UBE2E1: variants seen among roughly 807,000 people sequenced by gnomAD.
UBE2E1 encodes ubiquitin-conjugating enzyme E2 E1.
UBE2E1 carries 6 observed loss-of-function variants against 21.4 expected under a neutral mutation model. That is an observed-to-expected ratio of 0.28 (90% CI 0.15 to 0.55). UBE2E1 has a LOEUF of 0.55. Ranked by LOEUF, UBE2E1 falls within the 20% of genes least tolerant of loss-of-function variation. The pLI is 0.93. For missense variants in UBE2E1, 142 were observed against 236.5 expected, an observed-to-expected ratio of 0.60 and a Z score of 2.62; for synonymous variants, 87 against 82.7, an observed-to-expected ratio of 1.05 and a Z score of -0.28.
At chr3:23,826,251 G>T (rs1161422493) in intron 3 of UBE2E1, among the ~76,000 whole-genome samples, 1 of 152,214 alleles carries the variant, frequency 6.6e-6, no homozygotes, top group East Asian at 1.9e-4. Flanking sequence ...AAAAATTGGT[G>T]CCTCAACCAG....
intron 2 of UBE2E1, among the ~76,000 whole-genome samples, chr3:23,809,804 G>T (rs1559473130): frequency 6.6e-6 from 1 of 152,156 alleles, no homozygotes; most frequent in Non-Finnish European, 1.5e-5. Flanking sequence ...AAAGATTCAG[G>T]TAAAGAATCA....
At chr3:23,886,085 C>T (rs570707082) in intron 3 of UBE2E1, among the ~76,000 whole-genome samples, 2 of 152,168 alleles carry the variant, frequency 1.3e-5, no homozygotes, top group South Asian at 2.1e-4. Flanking sequence ...CCTGTAGTCT[C>T]GGCTACTCAG....
At position 23,876,726 on chromosome 3, in the gene UBE2E1, G is replaced by A. The variant is rs192844194; in HGVS notation, c.204-10841G>A. ...GCAAAGAGTTGTAGACAAGGGAGGA[G>A]GGAGCTAAATAATATTAATGGTAAT... On this transcript the variant is annotated intron_variant, in intron 3 of 5. Coordinates refer to ENST00000306627, the MANE Select transcript of UBE2E1 (RefSeq NM_003341.5). The surrounding 1 kb of genome is among the most constrained non-coding windows in gnomAD (Gnocchi z 4.3). 2.3e-4 allele frequency among the ~76,000 whole-genome samples: 35 copies of A among 152,196 alleles called. No individual in the cohort carries two copies. In the East Asian group the frequency reaches 6.4e-3, roughly 28 times the overall value.
At chr3:23,868,795 A>G (rs573130801) in intron 3 of UBE2E1, among the ~76,000 whole-genome samples, 1 of 152,182 alleles carries the variant, frequency 6.6e-6, no homozygotes, top group South Asian at 2.1e-4. Context: ...TGCAAGTATA[A>G]CCACTATTAA....
At chr3:23,857,875 A>G (rs1700474682) in intron 3 of UBE2E1, among the ~76,000 whole-genome samples, 1 of 152,170 alleles carries the variant, frequency 6.6e-6, no homozygotes, top group African/African-American at 2.4e-5. Context: ...TTTGAGACAG[A>G]GTCTCGCTCC....
intron 3 of UBE2E1, among the ~76,000 whole-genome samples, chr3:23,881,436 C>T (rs1040242185): frequency 2.6e-4 from 39 of 152,332 alleles, no homozygotes; most frequent in Admixed American, 3.9e-4. Context: ...CTCTTCACTT[C>T]CTCAGTTACA....
chr3:23,880,005 G>A (rs1310282574), intron 3 of UBE2E1, among the ~76,000 whole-genome samples: 1 of 152,324 alleles, frequency 6.6e-6, no homozygotes, highest in East Asian at 1.9e-4. Context: ...TCAGCACTTT[G>A]GGAGGCCCAG....
chr3:23,830,351 A>G (rs1030896949), intron 3 of UBE2E1, among the ~76,000 whole-genome samples: 1 of 152,192 alleles, frequency 6.6e-6, no homozygotes, highest in African/African-American at 2.4e-5. Flanking sequence ...CCCCCATCAC[A>G]CACAAAAATA....
rs746040167 is a variant in UBE2E1, at chr3:23,810,429, A to G, written c.153-1031A>G. 2.3e-5 allele frequency: 35 copies of G among 1,535,042 alleles called. 1 individual carries two copies. The highest frequency in any genetic ancestry group is 3.3e-4 in the Middle Eastern group (2 of 5,988). On this transcript the variant is annotated intron_variant, in intron 2 of 5. Transcript: ENST00000306627. This position sits in a 1 kb window ranked among gnomAD's most constrained non-coding sequence, Gnocchi z 5.8. ...GTCGAGGGTTGGTGCGGAGGGAGAA[A>G]ACTGCAGGTCTCCAGTCTATCCCCA...
At chr3:23,821,387 G>A (rs945626493) in intron 3 of UBE2E1, among the ~76,000 whole-genome samples, 6 of 152,184 alleles carry the variant, frequency 3.9e-5, no homozygotes, top group African/African-American at 1.2e-4. Context: ...GCCCTGAGGC[G>A]GGGACAAGTC....
At chr3:23,824,992 A>G (rs1699725514) in intron 3 of UBE2E1, among the ~76,000 whole-genome samples, 1 of 152,234 alleles carries the variant, frequency 6.6e-6, no homozygotes, top group East Asian at 1.9e-4. Context: ...TGAAAGTATG[A>G]CTAGTTCCCC....
chr3:23,815,220 C>A lies in UBE2E1; in HGVS notation c.203+3710C>A, dbSNP rs141438382. 2.6e-5 allele frequency among the ~76,000 whole-genome samples: 4 copies of A among 152,148 alleles called. No individual in the cohort carries two copies. In the East Asian group the frequency reaches 7.7e-4, roughly 29 times the overall value. ...TGATCTTAAACTCCTGGCCTCAAGC[C>A]GTCCACCCACTTTGCCCTTCCAGAG... On this transcript the variant is annotated intron_variant, in intron 3 of 5. Coordinates refer to ENST00000306627, the MANE Select transcript of UBE2E1 (RefSeq NM_003341.5).
intron 3 of UBE2E1, among the ~76,000 whole-genome samples, chr3:23,832,795 C>T (rs534315349): frequency 1.3e-5 from 2 of 152,152 alleles, no homozygotes; most frequent in African/African-American, 2.4e-5. Flanking sequence ...CTTTGGTTAG[C>T]TAAGGCGGGT....
intron 3 of UBE2E1, among the ~76,000 whole-genome samples, chr3:23,837,785 A>G (rs1455552141): frequency 1.3e-5 from 2 of 152,166 alleles, no homozygotes; most frequent in Non-Finnish European, 2.9e-5. Flanking sequence ...ACCACCTTCA[A>G]TCTTTTGAGG....
intron 3 of UBE2E1, chr3:23,879,217 C>T: frequency 1.2e-6 from 1 of 868,226 alleles, no homozygotes. Flanking sequence ...AATACAATGC[C>T]ATCTGTGCAT....
At position 23,846,335 on chromosome 3, in the gene UBE2E1, A is replaced by G. The variant is rs940534995; in HGVS notation, c.203+34825A>G. ...CCTAGCTACTTGGGAGGCTTGAGGTAGGAGGATTGCTTGAGGCTAGGAGTT... is the reference window on the plus strand; with the variant it reads ...CCTAGCTACTTGGGAGGCTTGAGGTGGGAGGATTGCTTGAGGCTAGGAGTT... On this transcript the variant is annotated intron_variant, in intron 3 of 5. Coordinates refer to ENST00000306627, the MANE Select transcript of UBE2E1 (RefSeq NM_003341.5). Among the ~76,000 whole-genome samples, 5 of 152,100 alleles carry G rather than the reference A, an allele frequency of 3.3e-5. No individual in the cohort carries two copies. The East Asian group carries it at 9.6e-4, about 29-fold the overall frequency.
At chr3:23,847,548 G>A (rs968532467) in intron 3 of UBE2E1, among the ~76,000 whole-genome samples, 3 of 134,142 alleles carry the variant, frequency 2.2e-5, no homozygotes, top group Non-Finnish European at 4.6e-5. Context: ...AGGCTGGAGT[G>A]CAGTGGTGCG....
chr3:23,814,091 A>G (rs1699459301), intron 3 of UBE2E1, among the ~76,000 whole-genome samples: 1 of 152,138 alleles, frequency 6.6e-6, no homozygotes, highest in Admixed American at 6.5e-5. Flanking sequence ...TTCTCAGTAA[A>G]TACAAAAATT....
intron 3 of UBE2E1, among the ~76,000 whole-genome samples, chr3:23,881,694 T>C (rs1701045157): frequency 6.6e-6 from 1 of 152,206 alleles, no homozygotes; most frequent in African/African-American, 2.4e-5. Context: ...ACTTTTCTGC[T>C]CCCATTGTGT....
Sources: allele counts gnomAD v4.1 joint callset (sites outside exome capture counted in the v4.1 genomes callset), GRCh38; gene constraint gnomAD v4.1.1; non-coding constraint Gnocchi (gnomAD v3.1); transcripts MANE v1.5; gene names NCBI Gene and HGNC (gene_info 2026-07-23, HGNC 2026-07-21).